Variants in SHB observed in about 807,000 individuals in gnomAD.
SHB encodes SH2 domain-containing adapter protein B.
Under a neutral mutation model 52.3 loss-of-function variants are expected in SHB, and 20 were observed. The observed-to-expected ratio is 0.38, with a 90% confidence interval of 0.27 to 0.56. The LOEUF (loss-of-function observed/expected upper bound fraction) is 0.56, where lower values mean the gene tolerates loss of function less well. Among genes scored for constraint, SHB ranks in the 20% least tolerant of loss-of-function variants. SHB has a pLI of 0.71. For synonymous variants in SHB, 397 were observed against 316.5 expected (o/e 1.25, Z -2.70); for missense variants, 825 against 723.3 (o/e 1.14, Z -1.61).
At chr9:37,955,238 G>A (rs763173036) in intron 4 of SHB, among the ~76,000 whole-genome samples, 1 of 152,330 alleles carries the variant, frequency 6.6e-6, no homozygotes, top group South Asian at 2.1e-4. Flanking sequence ...AAAAGGAGGA[G>A]TGCACCCTGT....
At chr9:38,052,162 G>A (rs888870624) in intron 1 of SHB, among the ~76,000 whole-genome samples, 3 of 152,132 alleles carry the variant, frequency 2.0e-5, no homozygotes, top group African/African-American at 7.2e-5. Context: ...TCCATCTCAA[G>A]GGCAGGTGAC....
rs1820758898 is a variant in SHB, at chr9:37,983,110, G to A, written c.839-8273C>T. ...CTGGCCTTCATGAAGCTCTTGGTAGGAGAAGGCAGAGCTCCCAACAGGGAC... is the reference window on the plus strand; with the variant it reads ...CTGGCCTTCATGAAGCTCTTGGTAGAAGAAGGCAGAGCTCCCAACAGGGAC... On this transcript the variant is annotated intron_variant, in intron 2 of 5. Coordinates refer to ENST00000377707, the MANE Select transcript of SHB (RefSeq NM_003028.3). 2.0e-5 allele frequency among the ~76,000 whole-genome samples: 3 copies of A among 152,188 alleles called. No homozygotes were observed. In the South Asian group the frequency reaches 6.2e-4, roughly 31 times the overall value.
At chr9:38,030,447 AG>A (rs1352203614) in intron 1 of SHB, among the ~76,000 whole-genome samples, 1 of 152,206 alleles carries the variant, frequency 6.6e-6, no homozygotes, top group Non-Finnish European at 1.5e-5. Context: ...AGGGCTGCAG[AG>A]AGCAGAGGAA....
intron 1 of SHB, among the ~76,000 whole-genome samples, chr9:38,042,266 T>G (rs541072770): frequency 6.6e-6 from 1 of 152,320 alleles, no homozygotes; most frequent in South Asian, 2.1e-4. Flanking sequence ...CGGGACACAG[T>G]AAGAGCTCAC....
chr9:38,048,743 C>T (rs1030838432), intron 1 of SHB, among the ~76,000 whole-genome samples: 10 of 152,220 alleles, frequency 6.6e-5, no homozygotes, highest in Admixed American at 6.5e-4. Context: ...CTTTTGTTGG[C>T]TGTATTCCCT....
chr9:38,003,039 T>C (rs1821038041), intron 2 of SHB, among the ~76,000 whole-genome samples: 1 of 152,216 alleles, frequency 6.6e-6, no homozygotes, highest in Admixed American at 6.5e-5. Context: ...GTAAACAGGC[T>C]GGGCTATTAA....
intron 4 of SHB, among the ~76,000 whole-genome samples, chr9:37,952,189 G>A (rs762968193): frequency 2.7e-4 from 41 of 152,208 alleles, no homozygotes; most frequent in Non-Finnish European, 4.4e-4. Context: ...TAGTGACAAG[G>A]GTTATGCAGG....
intron 3 of SHB, among the ~76,000 whole-genome samples, chr9:37,958,773 T>A (rs1464295524): frequency 6.6e-6 from 1 of 152,178 alleles, no homozygotes; most frequent in Non-Finnish European, 1.5e-5. Flanking sequence ...TCGCTGGCCT[T>A]CCAGTAGCCT....
At chr9:38,060,244 G>A (rs543060859) in intron 1 of SHB, among the ~76,000 whole-genome samples, 4 of 152,088 alleles carry the variant, frequency 2.6e-5, no homozygotes, top group African/African-American at 7.2e-5. Context: ...GCCTGATCTC[G>A]GCTCACTACA....
At chr9:37,993,273 T>G (rs970558155) in intron 2 of SHB, among the ~76,000 whole-genome samples, 1 of 152,066 alleles carries the variant, frequency 6.6e-6, no homozygotes, top group African/African-American at 2.4e-5. Flanking sequence ...TGTGTGCGCG[T>G]GTGTGTGTTA....
In SHB at chr9:37,950,303, T is replaced by C. The variant is rs1311340721; in HGVS notation, c.1227-1549A>G. 3.9e-5 allele frequency among the ~76,000 whole-genome samples: 6 copies of C among 152,128 alleles called. No individual in the cohort carries two copies. In the East Asian group the frequency reaches 1.2e-3, roughly 29 times the overall value. On this transcript the variant is annotated intron_variant, in intron 4 of 5. Coordinates refer to ENST00000377707, the MANE Select transcript of SHB (RefSeq NM_003028.3). ...TTTTTAGAGACAGGTTTTCACTTTA[T>C]TGCCCTGACTGAAGTGTAGTGGTGT...
intron 1 of SHB, among the ~76,000 whole-genome samples, chr9:38,018,212 T>C (rs1821240134): frequency 6.6e-6 from 1 of 152,206 alleles, no homozygotes; most frequent in Non-Finnish European, 1.5e-5. Context: ...GAAATCGCCA[T>C]TCCAGCTCTC....
At position 38,068,445 on chromosome 9, in the gene SHB, C is replaced by T. The variant is rs758641612; in HGVS notation, c.201G>A (p.Ser67=). 21 of 1,542,702 alleles carry T rather than the reference C, an allele frequency of 1.4e-5. No homozygotes were observed. The highest frequency in any genetic ancestry group is 4.3e-5 in the African/African-American group (3 of 70,474). The change falls in exon 1 of 6, where the codon TCG becomes TCA. Residue 67 remains serine (S), a synonymous_variant. Coordinates refer to ENST00000377707, the MANE Select transcript of SHB (RefSeq NM_003028.3). ...TGCCGCTGTCGTCGGGCAGCGAGCCCGAAGAGGCTGAGAAGCAGGAGGCGG... is the reference window on the plus strand; with the variant it reads ...TGCCGCTGTCGTCGGGCAGCGAGCCTGAAGAGGCTGAGAAGCAGGAGGCGG... ...PATASCFSAS[S]GSLPDDSGST...
rs1184102629 is a variant in SHB at position 37,918,845 on chromosome 9, G to C, written c.*976C>G. Among the ~76,000 whole-genome samples, 8 of 146,090 alleles carry C rather than the reference G, an allele frequency of 5.5e-5. No individual in the cohort carries two copies. Among genetic ancestry groups the C allele is most frequent in the African/African-American group, 2.2e-4 (8 of 35,818 alleles). On this transcript the variant is annotated 3_prime_UTR_variant, in exon 6 of 6. Coordinates refer to ENST00000377707, the MANE Select transcript of SHB (RefSeq NM_003028.3). ...GTCCCACTGCAGGAGGGAAAGACTGGTTTTTTGGTCAACACTGGAGGCTCC... is the reference window on the plus strand; with the variant it reads ...GTCCCACTGCAGGAGGGAAAGACTGCTTTTTTGGTCAACACTGGAGGCTCC...
chr9:38,052,113 T>C (rs1208003267), intron 1 of SHB, among the ~76,000 whole-genome samples: 1 of 152,126 alleles, frequency 6.6e-6, no homozygotes, highest in Non-Finnish European at 1.5e-5. Flanking sequence ...TCCTGGAATG[T>C]CTCTAACTCC....
At chr9:37,930,322 C>T (rs1832298415) in intron 5 of SHB, among the ~76,000 whole-genome samples, 1 of 152,146 alleles carries the variant, frequency 6.6e-6, no homozygotes, top group African/African-American at 2.4e-5. Flanking sequence ...GCAATACAGC[C>T]CCTGCCCCAT....
intron 1 of SHB, among the ~76,000 whole-genome samples, chr9:38,051,918 T>C (rs1016476705): frequency 2.0e-5 from 3 of 152,190 alleles, no homozygotes; most frequent in African/African-American, 7.2e-5. Flanking sequence ...TAAAGGAGGC[T>C]GAGCACTTAC....
chr9:37,936,514 G>A (rs573468448), intron 5 of SHB, among the ~76,000 whole-genome samples: 19 of 152,226 alleles, frequency 1.2e-4, no homozygotes, highest in African/African-American at 4.3e-4. Context: ...AACGTTTCCT[G>A]AGTACCTATC....
In SHB at chr9:37,917,712, T is replaced by C. The variant is rs570079596; in HGVS notation, c.*2109A>G. Among the ~76,000 whole-genome samples, 7 of 152,236 alleles carry C rather than the reference T, an allele frequency of 4.6e-5. No homozygotes were observed. Among genetic ancestry groups the C allele is most frequent in the African/African-American group, 9.6e-5 (4 of 41,476 alleles). ...CTCCCCCAAAGGAAAGCACGAATCG[T>C]TCCAGGGTGTCCCTGCCTTCCTCCC... On this transcript the variant is annotated 3_prime_UTR_variant, in exon 6 of 6. Coordinates refer to ENST00000377707, the MANE Select transcript of SHB (RefSeq NM_003028.3).
Sources: allele counts gnomAD v4.1 joint callset (sites outside exome capture counted in the v4.1 genomes callset), GRCh38; gene constraint gnomAD v4.1.1; transcripts MANE v1.5; gene names NCBI Gene and HGNC (gene_info 2026-07-23, HGNC 2026-07-21).